PPP1R26: variants seen among roughly 807,000 people sequenced by gnomAD.
The protein encoded by PPP1R26 is protein phosphatase 1 regulatory subunit 26.
In PPP1R26, 22 loss-of-function variants were observed where a neutral mutation model predicts 67.6. The observed-to-expected ratio is 0.33, with a 90% confidence interval of 0.23 to 0.46. The LOEUF is 0.46. Among genes scored for constraint, PPP1R26 ranks in the 20% least tolerant of loss-of-function variants. PPP1R26 has a pLI of 1.00. For missense variants in PPP1R26, 1,602 were observed against 1,651.4 expected, an observed-to-expected ratio of 0.97 and a Z score of 0.52; for synonymous variants, 729 against 717.2, an observed-to-expected ratio of 1.02 and a Z score of -0.26.
chr9:135,481,236 G>GTTTTT (rs35101439), intron 1 of PPP1R26, among the ~76,000 whole-genome samples: 2 of 121,766 alleles, frequency 1.6e-5, no homozygotes, highest in African/African-American at 6.5e-5. Context: ...GGCTTTTCTT[G>GTTTTT]TTTTTTTTTT....
At chr9:135,484,257 C>A in intron 3 of PPP1R26, 175 bp downstream of exon 3, 1 of 516,472 alleles carries the variant, frequency 1.9e-6, no homozygotes, top group Non-Finnish European at 3.4e-6. Context: ...TGTTCCTTTC[C>A]CAGCTGAGGA....
At position 135,487,895 on chromosome 9, in the gene PPP1R26, G is replaced by A. The variant is rs1303676029; in HGVS notation, c.3385G>A (p.Val1129Ile). ...FREAQAGPSP[V>I]FGSPHLLAKK... ...GGAGGCCCAGGCCGGACCCAGCCCT[G>A]TCTTTGGAAGCCCACACTTGCTGGC... Residue 1129 changes from valine to isoleucine, a missense_variant, in exon 4 of 4, where the codon GTC becomes ATC. Coordinates refer to ENST00000356818, the MANE Select transcript of PPP1R26 (RefSeq NM_014811.5). 6.3e-7 allele frequency: 1 copy of A among 1,576,422 alleles called. No homozygotes were observed.
rs142346595 is a variant in PPP1R26, at chr9:135,484,692, G to C, written c.182G>C (p.Arg61Pro). ...ACTCTGCAGCGCGACGGGGCTGCTC[G>C]GGGCACCAGCGATGAGCGCGCCGCA... ...ISTLQRDGAA[R>P]GTSDERAAQR... The change falls in exon 4 of 4, where the codon CGG (arginine) becomes CCG (proline). Residue 61 changes from arginine to proline, a missense_variant. Physicochemically the swap from Arg to Pro is moderately radical, Grantham distance 103. Around this residue, in one of 5 missense-constraint regions of PPP1R26, gnomAD observed 168 missense variants for 176.1 expected, o/e 0.95. Coordinates refer to ENST00000356818, the MANE Select transcript of PPP1R26 (RefSeq NM_014811.5). 2.5e-6 allele frequency: 4 copies of C among 1,609,966 alleles called. No homozygotes were observed. Among genetic ancestry groups the C allele is most frequent in the South Asian group, 1.1e-5 (1 of 90,990 alleles).
rs773999176 is a variant in PPP1R26 at position 135,485,085 on chromosome 9, C to G, written c.575C>G (p.Pro192Arg). ...PTALCPPKLV[P>R]GSGGGPGSQV... ...GCCCTGTGTCCCCCAAAACTTGTACCTGGATCAGGTGGTGGCCCCGGCAGC... is the reference window on the plus strand; with the variant it reads ...GCCCTGTGTCCCCCAAAACTTGTACGTGGATCAGGTGGTGGCCCCGGCAGC... Residue 192 changes from proline (P) to arginine (R), a missense_variant, in exon 4 of 4, where the codon CCT (proline) becomes CGT (arginine). Around this residue, in one of 5 missense-constraint regions of PPP1R26, gnomAD observed 680 missense variants for 726.1 expected, o/e 0.94. Transcript: ENST00000356818. This position sits in a 1 kb window ranked among gnomAD's most constrained non-coding sequence, Gnocchi z 7.2. 1.2e-6 allele frequency: 2 copies of G among 1,611,380 alleles called. No homozygotes were observed. Among genetic ancestry groups the G allele is most frequent in the Admixed American group, 1.7e-5 (1 of 59,772 alleles).
upstream of PPP1R26, among the ~76,000 whole-genome samples, chr9:135,479,374 C>T (rs1274276543): frequency 6.6e-6 from 1 of 151,778 alleles, no homozygotes; most frequent in Non-Finnish European, 1.5e-5. This position sits in a 1 kb window ranked among gnomAD's most constrained non-coding sequence, Gnocchi z 5.9. Context: ...GCTCCCTTCC[C>T]GCGGCTCCGA....
chr9:135,479,281 C>T (rs996664576), upstream of PPP1R26, among the ~76,000 whole-genome samples: 12 of 152,040 alleles, frequency 7.9e-5, no homozygotes, highest in South Asian at 1.5e-3. This position sits in a 1 kb window ranked among gnomAD's most constrained non-coding sequence, Gnocchi z 5.9. Context: ...GGCTGTGGGG[C>T]TGGAGGGGCG....
In PPP1R26 at chr9:135,487,843, G is replaced by T. The variant is rs41298362; in HGVS notation, c.3333G>T (p.Leu1111=). The change falls in exon 4 of 4, where the codon CTG becomes CTT. Residue 1111 remains leucine, a synonymous_variant. Transcript: ENST00000356818. ...TCAGCCCCCACCTGGGGCTGCCTCT[G>T]CAGGGCCCCTCCTTCTCGGCCTTCA... is the stretch of plus-strand genomic sequence containing the variant. ...GLFSPHLGLP[L]QGPSFSAFRE... is the part of the protein sequence containing the mutation. 5 of 1,595,180 alleles carry T rather than the reference G, an allele frequency of 3.1e-6. No homozygotes were observed. Among genetic ancestry groups the T allele is most frequent in the South Asian group, 2.2e-5 (2 of 88,938 alleles).
In PPP1R26 at chr9:135,487,892, C is replaced by G. The variant is rs576258648; in HGVS notation, c.3382C>G (p.Pro1128Ala). Reference protein sequence around the residue: ...AFREAQAGPSPVFGSPHLLAK... With the variant: ...AFREAQAGPSAVFGSPHLLAK... ...CAGGGAGGCCCAGGCCGGACCCAGC[C>G]CTGTCTTTGGAAGCCCACACTTGCT... Residue 1128 changes from proline (P) to alanine (A), a missense_variant, in exon 4 of 4, where the codon CCT (proline) becomes GCT (alanine). By Grantham distance (27) the Pro-to-Ala change is conservative. This residue lies in a region of PPP1R26 where 740 missense variants were observed against 696.3 expected (regional missense o/e 1.06). Coordinates refer to ENST00000356818, the MANE Select transcript of PPP1R26 (RefSeq NM_014811.5). 1.1e-5 allele frequency: 17 copies of G among 1,577,106 alleles called. 1 individual carries two copies. In the African/African-American group the frequency reaches 2.0e-4, roughly 19 times the overall value.
In PPP1R26 at chr9:135,485,330, G is replaced by A. The variant is rs1830675602; in HGVS notation, c.820G>A (p.Val274Met). Residue 274 changes from valine (V) to methionine (M), a missense_variant, in exon 4 of 4, where the codon GTG (valine) becomes ATG (methionine). Around this residue, in one of 5 missense-constraint regions of PPP1R26, gnomAD observed 680 missense variants for 726.1 expected, o/e 0.94. Transcript: ENST00000356818. The surrounding 1 kb of genome is among the most constrained non-coding windows in gnomAD (Gnocchi z 7.2). ...ATCCCACCAAGAGCCGCCTACAAAG[G>A]TGGTGCATCGGCAGGGCCTGCTGGG... Reference protein sequence around the residue: ...LKSHQEPPTKVVHRQGLLGVQ... With the variant: ...LKSHQEPPTKMVHRQGLLGVQ... The A allele has an allele frequency of 3.1e-6, 5 of 1,613,028 alleles. No individual in the cohort carries two copies. Among genetic ancestry groups the A allele is most frequent in the Non-Finnish European group, 4.2e-6 (5 of 1,179,962 alleles).
rs542136344 is a variant in PPP1R26 at position 135,487,289 on chromosome 9, C to T, written c.2779C>T (p.Leu927Phe). 6.4e-7 allele frequency: 1 copy of T among 1,554,274 alleles called. No individual in the cohort carries two copies. Among genetic ancestry groups the T allele is most frequent in the East Asian group, 2.3e-5 (1 of 44,394 alleles). Residue 927 changes from leucine (L) to phenylalanine (F), a missense_variant, in exon 4 of 4, where the codon CTC becomes TTC. By Grantham distance (22) the Leu-to-Phe change is conservative. Transcript: ENST00000356818. The stretch of plus-strand genomic sequence containing the variant: ...TCTGTTCAGCCAGGGCGGGAAGGGG[C>T]TCCCTGCTGCTCCTGCCCGAGGGGA... ...AGLFSQGGKG[L>F]PAAPARGDPV...
At chr9:135,481,401 C>G (rs1204252406) in intron 1 of PPP1R26, among the ~76,000 whole-genome samples, 1 of 151,944 alleles carries the variant, frequency 6.6e-6, no homozygotes, top group African/African-American at 2.4e-5. Context: ...CTCCCACGCC[C>G]AGCTAATTTA....
At chr9:135,481,595 G>T (rs1386148688) in intron 1 of PPP1R26, among the ~76,000 whole-genome samples, 1 of 151,468 alleles carries the variant, frequency 6.6e-6, no homozygotes, top group Non-Finnish European at 1.5e-5. Flanking sequence ...GCCACAAGCT[G>T]TCCTGGGGAG....
rs755674723 is a variant in PPP1R26, at chr9:135,484,811, C to T, written c.301C>T (p.Leu101Phe). 32 of 1,610,794 alleles carry T rather than the reference C, an allele frequency of 2.0e-5. No individual in the cohort carries two copies. The highest frequency in any genetic ancestry group is 2.5e-5 in the Non-Finnish European group (29 of 1,179,792). ...KEPPALAVCG[L>F]VADFDPMGEE... ...GCCACCCGCGTTGGCTGTCTGTGGT[C>T]TCGTTGCTGACTTTGACCCCATGGG... The change falls in exon 4 of 4, where the codon CTC (leucine) becomes TTC (phenylalanine). Residue 101 changes from leucine to phenylalanine, a missense_variant. Leu to Phe is a conservative substitution (Grantham distance 22). Transcript: ENST00000356818.
chr9:135,479,330 G>A (rs542357942), upstream of PPP1R26, among the ~76,000 whole-genome samples: 118 of 151,924 alleles, frequency 7.8e-4, no homozygotes, highest in Admixed American at 1.4e-3. The surrounding 1 kb of genome is among the most constrained non-coding windows in gnomAD (Gnocchi z 5.9). Context: ...CGTGAACTTC[G>A]GGGAGGAACT....
intron 1 of PPP1R26, among the ~76,000 whole-genome samples, chr9:135,482,324 C>A (rs942759303): frequency 6.6e-6 from 1 of 152,206 alleles, no homozygotes; most frequent in Non-Finnish European, 1.5e-5. Context: ...CCCCAGTGCT[C>A]TGTGTCAGTG....
intron 2 of PPP1R26, among the ~76,000 whole-genome samples, 172 bp downstream of exon 2, chr9:135,482,987 C>CTTTTTTTTTTTTTTT (rs57608324): frequency 9.8e-5 from 11 of 112,058 alleles, no homozygotes; most frequent in African/African-American, 1.4e-4. Context: ...TTCTTTCTTT[C>CTTTTTTTTTTTTTTT]TTTTTTTTTT....
rs2119321734 is a variant in PPP1R26, at chr9:135,487,621, C to T, written c.3111C>T (p.Pro1037=). The T allele has an allele frequency of 6.7e-6, 10 of 1,485,342 alleles. No individual in the cohort carries two copies. The highest frequency in any genetic ancestry group is 2.4e-5 in the East Asian group (1 of 40,836). 92.0% of individuals were successfully genotyped at this position (1,485,342 alleles called of 1,614,324 possible). The change falls in exon 4 of 4, where the codon CCC becomes CCT. Residue 1037 remains proline (P), a synonymous_variant. Transcript: ENST00000356818. ...ACTTCGCCCACCAGAGTCGGCTGCC[C>T]AGCCCGTGGGTGCTGCGCTCCGAAG... The part of the protein sequence containing the change: ...WSDFAHQSRL[P]SPWVLRSEGR...
chr9:135,480,173 G>T (rs1830460822), intron 1 of PPP1R26, 151 bp downstream of exon 1: 1 of 151,024 alleles, frequency 6.6e-6, no homozygotes, highest in Non-Finnish European at 1.5e-5. Flanking sequence ...GACGGGGATC[G>T]GCGCCGGGGC....
rs147034791 is a variant in PPP1R26, at chr9:135,488,418, T to C, written c.*278T>C. The C allele has an allele frequency of 3.5e-3, 1,222 of 349,252 alleles. 29 individuals are homozygous for C. The East Asian group carries it at 0.053, about 15-fold the overall frequency. The allele number at this position is 349,252 out of a possible 1,614,324, so 21.6% of individuals were successfully genotyped here. On this transcript the variant is annotated 3_prime_UTR_variant, in exon 4 of 4. Transcript: ENST00000356818. ...TAGGGTGTTCCTAACTGCAGTTTTC[T>C]GTGTTCTGCATACAAGTCTTAGCTT...
Sources: allele counts gnomAD v4.1 joint callset (sites outside exome capture counted in the v4.1 genomes callset), GRCh38; gene constraint gnomAD v4.1.1; regional missense constraint gnomAD v4.1.1; non-coding constraint Gnocchi (gnomAD v3.1); transcripts MANE v1.5; gene names NCBI Gene and HGNC (gene_info 2026-07-23, HGNC 2026-07-21).